The following ANKS1B variants were observed in gnomAD, a reference collection of about 807,000 sequenced individuals.
ANKS1B encodes the protein ankyrin repeat and sterile alpha motif domain-containing protein 1B.
A neutral mutation model predicts 148.3 loss-of-function variants in ANKS1B; 36 were observed. The observed-to-expected ratio is 0.24, with a 90% confidence interval of 0.19 to 0.32. The LOEUF is 0.32. Among genes scored for constraint, ANKS1B ranks in the 10% least tolerant of loss-of-function variants. ANKS1B has a pLI of 1.00. For synonymous variants in ANKS1B, 542 were observed against 560.8 expected (o/e 0.97, Z 0.47); for missense variants, 1,157 against 1,542.6 (o/e 0.75, Z 4.19).
At chr12:99,464,266 G>A (rs895664916) in intron 10 of ANKS1B, among the ~76,000 whole-genome samples, 6 of 152,056 alleles carry the variant, frequency 3.9e-5, no homozygotes, top group African/African-American at 1.4e-4. Flanking sequence ...AAACAGAAAG[G>A]ACATCCACAC....
chr12:99,612,503 T>C (rs1222614650), intron 9 of ANKS1B, among the ~76,000 whole-genome samples: 1 of 152,102 alleles, frequency 6.6e-6, no homozygotes. Flanking sequence ...ACACAGCTAG[T>C]AAGAAACAAC....
At position 99,893,824 on chromosome 12, in the gene ANKS1B, C is replaced by CT. The variant is rs972962661; in HGVS notation, c.135-68436dup. ...TTGCCTCAAAGGATATTATTTTGTC[C>CT]TTTTTTATGGCTGTGTAGTATTCCA... On this transcript the variant is annotated intron_variant, in intron 1 of 26. Coordinates refer to ENST00000683438, the MANE Select transcript of ANKS1B (RefSeq NM_001352186.2). Among the ~76,000 whole-genome samples, 13 of 152,142 alleles carry CT rather than the reference C, an allele frequency of 8.5e-5. 1 individual carries two copies. The highest frequency in any genetic ancestry group is 3.1e-4 in the African/African-American group (13 of 41,506).
At chr12:99,107,150 A>C (rs546574564) in intron 15 of ANKS1B, among the ~76,000 whole-genome samples, 117 of 152,010 alleles carry the variant, frequency 7.7e-4, no homozygotes, top group African/African-American at 2.5e-3. Context: ...TGCATCTTTA[A>C]TATTAAGATG....
intron 17 of ANKS1B, among the ~76,000 whole-genome samples, chr12:98,980,264 A>G (rs879458308): frequency 1.3e-5 from 2 of 152,142 alleles, no homozygotes; most frequent in Non-Finnish European, 2.9e-5. Flanking sequence ...GCAGTGGCGC[A>G]ATCTCGGCTC....
At chr12:99,213,261 G>A (rs2083614454) in intron 14 of ANKS1B, among the ~76,000 whole-genome samples, 1 of 152,180 alleles carries the variant, frequency 6.6e-6, no homozygotes, top group Non-Finnish European at 1.5e-5. Context: ...GCTCCCAGGA[G>A]GTGCTGGAAG....
At chr12:99,975,926 A>T (rs942054055) in intron 1 of ANKS1B, among the ~76,000 whole-genome samples, 2 of 152,256 alleles carry the variant, frequency 1.3e-5, no homozygotes, top group African/African-American at 4.8e-5. Context: ...TATGCACAAT[A>T]GCAAAGACAT....
At chr12:99,853,996 T>G (rs1231666108) in intron 1 of ANKS1B, among the ~76,000 whole-genome samples, 1 of 152,010 alleles carries the variant, frequency 6.6e-6, no homozygotes, top group Non-Finnish European at 1.5e-5. Context: ...AAAGACAAGT[T>G]TTTTGTTTGT....
intron 15 of ANKS1B, among the ~76,000 whole-genome samples, chr12:99,138,736 A>G (rs57653433): frequency 0.063 from 9,634 of 152,198 alleles, 669 homozygotes; most frequent in African/African-American, 0.17. Context: ...CACTACATGC[A>G]TTTTGACATC....
At chr12:99,574,897 A>G (rs2097500594) in intron 9 of ANKS1B, among the ~76,000 whole-genome samples, 1 of 152,084 alleles carries the variant, frequency 6.6e-6, no homozygotes, top group African/African-American at 2.4e-5. Flanking sequence ...TCCATTTACC[A>G]TCGTGCCAGA....
At chr12:99,551,862 T>C (rs911872932) in intron 9 of ANKS1B, among the ~76,000 whole-genome samples, 7 of 152,148 alleles carry the variant, frequency 4.6e-5, no homozygotes, top group Admixed American at 1.3e-4. Context: ...AATCTGAGTA[T>C]GTCCTGACTC....
rs188378571 is a variant in ANKS1B, at chr12:99,536,663, G to T, written c.1273-32022C>A. 4.5e-3 allele frequency among the ~76,000 whole-genome samples: 682 copies of T among 152,104 alleles called. 6 individuals are homozygous for T. Among genetic ancestry groups the T allele is most frequent in the African/African-American group, 0.016 (650 of 41,496 alleles). On this transcript the variant is annotated intron_variant, in intron 9 of 26. Coordinates refer to ENST00000683438, the MANE Select transcript of ANKS1B (RefSeq NM_001352186.2). ...TACACAGTAGGTGTATGTATTTATA[G>T]GGTACATGGGATGTTTTGATACAGG...
At chr12:99,125,726 A>T (rs1237884182) in intron 15 of ANKS1B, among the ~76,000 whole-genome samples, 1 of 152,188 alleles carries the variant, frequency 6.6e-6, no homozygotes, top group Non-Finnish European at 1.5e-5. Flanking sequence ...TAGGTTTCCC[A>T]TATTTAGTTT....
At chr12:99,086,073 A>G (rs2051672862) in intron 15 of ANKS1B, among the ~76,000 whole-genome samples, 1 of 152,216 alleles carries the variant, frequency 6.6e-6, no homozygotes, top group Non-Finnish European at 1.5e-5. Flanking sequence ...TTGAATGATG[A>G]ATATGATGCA....
chr12:99,541,812 G>A (rs757872913), intron 9 of ANKS1B, among the ~76,000 whole-genome samples: 12 of 151,578 alleles, frequency 7.9e-5, no homozygotes, highest in Admixed American at 2.6e-4. Flanking sequence ...CCGAGATCAT[G>A]CCACTGCACT....
At chr12:98,753,692 C>T (rs2098154328) in intron 25 of ANKS1B, among the ~76,000 whole-genome samples, 1 of 152,170 alleles carries the variant, frequency 6.6e-6, no homozygotes, top group Non-Finnish European at 1.5e-5. Flanking sequence ...CTCCAAAGTG[C>T]TGGGATTATA....
chr12:99,123,282 G>A (rs1317661975), intron 15 of ANKS1B, among the ~76,000 whole-genome samples: 1 of 152,038 alleles, frequency 6.6e-6, no homozygotes, highest in Admixed American at 6.6e-5. Flanking sequence ...CATTAGAGCA[G>A]AGATTTCGAT....
chr12:99,886,861 G>C (rs1282996255), intron 1 of ANKS1B, among the ~76,000 whole-genome samples: 2 of 152,074 alleles, frequency 1.3e-5, no homozygotes, highest in Non-Finnish European at 2.9e-5. Context: ...TCTTATATAA[G>C]CTGTCAAAAA....
In ANKS1B at chr12:99,273,574, ATT is replaced by A. The variant is rs1188069212; in HGVS notation, c.1757-26712_1757-26711del. Among the ~76,000 whole-genome samples the A allele has an allele frequency of 6.4e-3, 618 of 96,938 alleles. 6 individuals carry two copies. Among genetic ancestry groups the A allele is most frequent in the African/African-American group, 0.025 (582 of 23,496 alleles). 63.6% of individuals were successfully genotyped at this position (96,938 alleles called of 152,430 possible). ...ATCAGATTCTTTTTTTTTTTTTGCGATTTTTTTTTTTTTTTTTTTTGAGACGG... is the reference window on the plus strand; with the variant it reads ...ATCAGATTCTTTTTTTTTTTTTGCGATTTTTTTTTTTTTTTTTTGAGACGG... On this transcript the variant is annotated intron_variant, in intron 12 of 26. Transcript: ENST00000683438.
intron 17 of ANKS1B, among the ~76,000 whole-genome samples, chr12:98,948,112 G>C (rs1429678672): frequency 1.3e-5 from 2 of 151,992 alleles, no homozygotes; most frequent in African/African-American, 2.4e-5. Flanking sequence ...AGAACCTGCT[G>C]TTAGCCTCTT....
Sources: allele counts gnomAD v4.1 joint callset (sites outside exome capture counted in the v4.1 genomes callset), GRCh38; gene constraint gnomAD v4.1.1; transcripts MANE v1.5; gene names NCBI Gene and HGNC (gene_info 2026-07-23, HGNC 2026-07-21).